KCNN2: variants seen among roughly 807,000 people sequenced by gnomAD.
KCNN2 encodes the protein potassium calcium-activated channel subfamily N member 2.
KCNN2 carries 24 observed loss-of-function variants against 55.5 expected under a neutral mutation model. The ratio of observed to expected loss-of-function variants is 0.43; its 90% CI spans 0.31 to 0.61. The LOEUF is 0.61. Ranked by LOEUF, KCNN2 falls within the 20% of genes least tolerant of loss-of-function variation. The pLI, the probability that KCNN2 is intolerant of heterozygous loss-of-function variation, is 0.08. For missense variants in KCNN2, 754 were observed against 853.6 expected (o/e 0.88, Z 1.45); for synonymous variants, 431 against 336.1 (o/e 1.28, Z -3.09).
intron 3 of KCNN2, 44 bp from the exon 4 acceptor site, chr5:114,463,005 T>C: frequency 6.3e-7 from 1 of 1,580,098 alleles, no homozygotes; most frequent in Non-Finnish European, 8.6e-7. Context: ...ACTATCATAT[T>C]GGAGATTAAT....
chr5:114,115,938 G>T (rs1489217538), intron 1 of KCNN2, among the ~76,000 whole-genome samples: 1 of 152,104 alleles, frequency 6.6e-6, no homozygotes, highest in East Asian at 1.9e-4. Flanking sequence ...AAAGACAGCT[G>T]GCATACATGT....
intron 2 of KCNN2, among the ~76,000 whole-genome samples, chr5:114,395,508 A>G (rs934308286): frequency 2.6e-5 from 4 of 152,132 alleles, no homozygotes; most frequent in Admixed American, 2.6e-4. Flanking sequence ...ATATAGAAGA[A>G]CTAAATAATA....
At chr5:114,273,029 C>T (rs1163384382) in intron 2 of KCNN2, among the ~76,000 whole-genome samples, 2 of 152,082 alleles carry the variant, frequency 1.3e-5, no homozygotes, top group Non-Finnish European at 2.9e-5. Context: ...TCTCCCCTAG[C>T]CCAACACCCC....
At chr5:114,404,173 AATG>A (rs1163909787) in intron 2 of KCNN2, among the ~76,000 whole-genome samples, 3 of 152,194 alleles carry the variant, frequency 2.0e-5, no homozygotes, top group Non-Finnish European at 2.9e-5. Flanking sequence ...CCTGTTTTAA[AATG>A]ATGATGTTTA....
intron 1 of KCNN2, among the ~76,000 whole-genome samples, chr5:114,112,541 C>T (rs1019831540): frequency 3.9e-5 from 6 of 152,062 alleles, no homozygotes; most frequent in African/African-American, 4.8e-5. Context: ...ACACATTGAT[C>T]CAATTTTATT....
At chr5:114,102,628 G>A in intron 1 of KCNN2, among the ~76,000 whole-genome samples, 1 of 152,080 alleles carries the variant, frequency 6.6e-6, no homozygotes, top group Non-Finnish European at 1.5e-5. Flanking sequence ...GTGTAAGGGA[G>A]GGGTCCAGTT....
intron 2 of KCNN2, among the ~76,000 whole-genome samples, chr5:114,365,602 A>G (rs1343104070): frequency 1.3e-5 from 2 of 152,206 alleles, no homozygotes; most frequent in African/African-American, 2.4e-5. Flanking sequence ...AACCAGCCCT[A>G]TCCTAGCTTC....
At chr5:114,381,285 G>A (rs186110671) in intron 2 of KCNN2, among the ~76,000 whole-genome samples, 31 of 152,260 alleles carry the variant, frequency 2.0e-4, no homozygotes, top group African/African-American at 7.5e-4. Context: ...TAATGAAATG[G>A]CTGGCAGTAC....
chr5:114,155,416 G>A (rs1285736993), intron 1 of KCNN2, among the ~76,000 whole-genome samples: 1 of 152,110 alleles, frequency 6.6e-6, no homozygotes, highest in Non-Finnish European at 1.5e-5. Context: ...TAATGAGATT[G>A]CGGGTCAAAT....
At chr5:114,249,934 A>G (rs565903570) in intron 2 of KCNN2, among the ~76,000 whole-genome samples, 162 of 152,248 alleles carry the variant, frequency 1.1e-3, no homozygotes, top group Non-Finnish European at 1.9e-3. Context: ...GTGGCTTAGT[A>G]TCTTGGCAAC....
chr5:114,424,051 G>A (rs1489253331), intron 3 of KCNN2, among the ~76,000 whole-genome samples: 4 of 152,214 alleles, frequency 2.6e-5, no homozygotes, highest in African/African-American at 4.8e-5. Flanking sequence ...CTGGATTTTA[G>A]TCCATAGGTA....
chr5:114,483,527 C>A (rs567132430), intron 5 of KCNN2, among the ~76,000 whole-genome samples: 253 of 152,158 alleles, frequency 1.7e-3, no homozygotes, highest in African/African-American at 6.0e-3. Flanking sequence ...CCACTCATCT[C>A]GGCCTCCCAA....
At chr5:114,282,145 G>C (rs547260742) in intron 2 of KCNN2, among the ~76,000 whole-genome samples, 1 of 151,902 alleles carries the variant, frequency 6.6e-6, no homozygotes, top group Non-Finnish European at 1.5e-5. Flanking sequence ...CTATCACTAG[G>C]TTTCATTTTT....
At chr5:114,215,728 T>C (rs1056061230) in intron 1 of KCNN2, among the ~76,000 whole-genome samples, 1 of 152,154 alleles carries the variant, frequency 6.6e-6, no homozygotes, top group Non-Finnish European at 1.5e-5. Context: ...GACTGTTTTC[T>C]TATAACTAAA....
intron 2 of KCNN2, among the ~76,000 whole-genome samples, chr5:114,245,422 C>T (rs1279069197): frequency 6.6e-6 from 1 of 152,218 alleles, no homozygotes; most frequent in South Asian, 2.1e-4. Flanking sequence ...TATTATTTCA[C>T]TTAATCTTTT....
chr5:114,238,525 C>G (rs1754553641), intron 2 of KCNN2, among the ~76,000 whole-genome samples: 1 of 151,464 alleles, frequency 6.6e-6, no homozygotes, highest in Admixed American at 6.6e-5. Context: ...ACTCGGGGGA[C>G]TGAGGCAGGA....
In KCNN2 at chr5:114,267,561, A is replaced by C. The variant is rs1316350026; in HGVS notation, c.-185+45996A>C. 2.0e-5 allele frequency among the ~76,000 whole-genome samples: 3 copies of C among 152,126 alleles called. No individual in the cohort carries two copies. The East Asian group carries it at 5.8e-4, about 29-fold the overall frequency. On this transcript the variant is annotated intron_variant, in intron 2 of 10. Coordinates refer to the KCNN2 transcript ENST00000512097. ...GGTTGACCCCTGAATTTGGAGATAA[A>C]ATATATTTAGAATCCAGTCTTTATT...
At chr5:114,112,192 G>C (rs1258436698) in intron 1 of KCNN2, among the ~76,000 whole-genome samples, 1 of 152,128 alleles carries the variant, frequency 6.6e-6, no homozygotes, top group African/African-American at 2.4e-5. Context: ...CATGGATGAA[G>C]CTGGAAACCA....
intron 1 of KCNN2, among the ~76,000 whole-genome samples, chr5:114,154,535 G>A (rs1752592019): frequency 6.6e-6 from 1 of 152,090 alleles, no homozygotes; most frequent in Non-Finnish European, 1.5e-5. Flanking sequence ...AAGTACCTCT[G>A]TTTCCAGAAA....
Sources: gnomAD v4.1 joint callset for allele counts (sites outside exome capture counted in the v4.1 genomes callset) on GRCh38, gnomAD v4.1.1 for gene constraint, MANE v1.5 for transcripts, NCBI Gene and HGNC (gene_info 2026-07-23, HGNC 2026-07-21) for gene names.